RAB18: variants seen among roughly 807,000 people sequenced by gnomAD.
RAB18 encodes the protein RAB18, member RAS oncogene family.
A neutral mutation model predicts 28.5 loss-of-function variants in RAB18; 10 were observed. That is an observed-to-expected ratio of 0.35 (90% CI 0.22 to 0.60). The LOEUF is 0.60. Among genes scored for constraint, RAB18 ranks in the 20% least tolerant of loss-of-function variants. The pLI is 0.78. For synonymous variants in RAB18, 93 were observed against 86.9 expected, an observed-to-expected ratio of 1.07 and a Z score of -0.39; for missense variants, 188 against 244.2, an observed-to-expected ratio of 0.77 and a Z score of 1.53.
intron 3 of RAB18, chr10:27,531,499 A>C: frequency 6.5e-7 from 1 of 1,543,252 alleles, no homozygotes; most frequent in Non-Finnish European, 8.8e-7. Context: ...TTGAGGTTTG[A>C]TACATGTTTT....
intron 1 of RAB18, among the ~76,000 whole-genome samples, chr10:27,507,859 G>A (rs1382446360): frequency 2.0e-5 from 3 of 151,586 alleles, no homozygotes; most frequent in Non-Finnish European, 2.9e-5. Flanking sequence ...GCAACATAAC[G>A]AGACCATGCC....
At position 27,538,164 on chromosome 10, in the gene RAB18, A is replaced by G. The variant is rs1393255771; in HGVS notation, c.*113A>G. On this transcript the variant is annotated 3_prime_UTR_variant, in exon 7 of 7. Transcript: ENST00000356940. The stretch of plus-strand genomic sequence containing the variant: ...TGCAGTTTGCACATAATTGTTTTAT[A>G]TCATAGCAGTAAATATTTGCAAGAA... 1.5e-6 allele frequency: 2 copies of G among 1,365,940 alleles called. No homozygotes were observed. The highest frequency in any genetic ancestry group is 2.3e-5 in the East Asian group (1 of 43,190). 84.6% of individuals were successfully genotyped at this position (1,365,940 alleles called of 1,614,324 possible). A position where few individuals can be genotyped will look rare whatever the true frequency, so the allele number is the denominator to read the frequency against.
chr10:27,506,493 T>G (rs1169723534), intron 1 of RAB18, among the ~76,000 whole-genome samples: 1 of 152,054 alleles, frequency 6.6e-6, no homozygotes, highest in Non-Finnish European at 1.5e-5. Flanking sequence ...ACTAGTGTTT[T>G]TTTATTTTTT....
chr10:27,538,646 A>G lies in RAB18; in HGVS notation c.*595A>G. 1 of 454,000 alleles carries G rather than the reference A, an allele frequency of 2.2e-6. No homozygotes were observed. Among genetic ancestry groups the G allele is most frequent in the Non-Finnish European group, 4.4e-6 (1 of 226,614 alleles). The allele number at this position is 454,000 out of a possible 1,614,324, so 28.1% of individuals were successfully genotyped here. On this transcript the variant is annotated 3_prime_UTR_variant, in exon 7 of 7. Transcript: ENST00000356940. Reference sequence around the variant, plus strand: ...TTCTAAAACAGCATTGATAGGTTAAAGAAGCTTGGTATTTTTAATTTACTT... The same window carrying G: ...TTCTAAAACAGCATTGATAGGTTAAGGAAGCTTGGTATTTTTAATTTACTT...
At chr10:27,508,057 G>A (rs1399129082) in intron 1 of RAB18, among the ~76,000 whole-genome samples, 2 of 149,840 alleles carry the variant, frequency 1.3e-5, no homozygotes, top group African/African-American at 4.9e-5. Flanking sequence ...TAATTATTTT[G>A]AGATTGTCAG....
rs375572465 is a variant in RAB18 at position 27,509,927 on chromosome 10, A to G, written c.121A>G (p.Ile41Val). Reference sequence around the variant, plus strand: ...GTTTGATCCAGAACTTGCAGCAACAATAGGTAAGCCTGTGTTTAAAAATTC... The same window carrying G: ...GTTTGATCCAGAACTTGCAGCAACAGTAGGTAAGCCTGTGTTTAAAAATTC... ...DTFDPELAAT[I>V]GVDFKVKTIS... The change falls in exon 2 of 7, where the codon ATA (isoleucine) becomes GTA (valine). Residue 41 changes from isoleucine (I) to valine (V), a missense_variant. Coordinates refer to ENST00000356940, the MANE Select transcript of RAB18 (RefSeq NM_021252.5). 1.6e-5 allele frequency: 25 copies of G among 1,609,920 alleles called. No individual in the cohort carries two copies. The highest frequency in any genetic ancestry group is 2.0e-5 in the Non-Finnish European group (24 of 1,176,508).
intron 3 of RAB18, chr10:27,528,416 A>C (rs1170490227): frequency 2.3e-6 from 1 of 440,358 alleles, no homozygotes; most frequent in Non-Finnish European, 4.5e-6. Context: ...AAAGTATACC[A>C]CTGAATACAT....
chr10:27,517,927 AT>A (rs949380614), intron 2 of RAB18, among the ~76,000 whole-genome samples: 2 of 151,282 alleles, frequency 1.3e-5, no homozygotes, highest in Non-Finnish European at 2.9e-5. Flanking sequence ...TGAGAATGTC[AT>A]GTAAGTGGAG....
chr10:27,535,424 G>A (rs1834873956), intron 6 of RAB18, among the ~76,000 whole-genome samples: 6 of 152,164 alleles, frequency 3.9e-5, no homozygotes, highest in Admixed American at 3.9e-4. Context: ...TTCCTGAGGT[G>A]GGAATCAGGC....
At chr10:27,531,440 C>T in intron 3 of RAB18, 1 of 1,451,300 alleles carries the variant, frequency 6.9e-7, no homozygotes, top group Non-Finnish European at 9.1e-7. Context: ...GGAGCTTCTG[C>T]TTGTCCCATA....
At chr10:27,532,652 AAT>A in intron 4 of RAB18, 73 bp downstream of exon 4, 4 of 1,199,076 alleles carry the variant, frequency 3.3e-6, no homozygotes, top group Admixed American at 1.8e-5. Context: ...TGTGAAAGTT[AAT>A]ATGTCTTTGT....
chr10:27,531,841 G>T (rs1190812991), intron 3 of RAB18, among the ~76,000 whole-genome samples: 3 of 151,154 alleles, frequency 2.0e-5, no homozygotes, highest in Non-Finnish European at 4.4e-5. Context: ...TCAAGAATTG[G>T]TCTCAGCACA....
chr10:27,541,666 G>A lies in RAB18; in HGVS notation c.*3615G>A. 2.2e-6 allele frequency: 1 copy of A among 449,114 alleles called. No individual in the cohort carries two copies. Among genetic ancestry groups the A allele is most frequent in the Non-Finnish European group, 4.4e-6 (1 of 225,740 alleles). 27.8% of individuals were successfully genotyped at this position (449,114 alleles called of 1,614,324 possible). On this transcript the variant is annotated 3_prime_UTR_variant, in exon 7 of 7. Coordinates refer to ENST00000356940, the MANE Select transcript of RAB18 (RefSeq NM_021252.5). Reference sequence around the variant, plus strand: ...TTTTTTTTCCTCTTTTTTAACCGGAGAAGCAACAAATTACGTAGTTTTTTT... The same window carrying A: ...TTTTTTTTCCTCTTTTTTAACCGGAAAAGCAACAAATTACGTAGTTTTTTT...
chr10:27,523,970 T>A (rs1589576674), intron 2 of RAB18, among the ~76,000 whole-genome samples: 1 of 151,800 alleles, frequency 6.6e-6, no homozygotes, highest in Admixed American at 6.6e-5. Flanking sequence ...TCCCAGCAGC[T>A]TGGGAGGCTG....
chr10:27,531,564 A>G (rs1275922989), intron 3 of RAB18: 1 of 1,367,184 alleles, frequency 7.3e-7, no homozygotes. Context: ...ACTTTTTCTT[A>G]AAGAGCCAGA....
intron 2 of RAB18, among the ~76,000 whole-genome samples, chr10:27,521,335 A>G (rs542289959): frequency 3.5e-4 from 53 of 152,298 alleles, no homozygotes; most frequent in Admixed American, 7.8e-4. Context: ...TCAGTACACT[A>G]TTCATAATTG....
intron 3 of RAB18, chr10:27,531,734 A>C (rs1293016531): frequency 1.8e-6 from 1 of 561,504 alleles, no homozygotes; most frequent in Non-Finnish European, 3.2e-6. Flanking sequence ...TGGTAGAAAG[A>C]CAAGAGAGAG....
intron 6 of RAB18, among the ~76,000 whole-genome samples, chr10:27,535,882 C>T (rs772302870): frequency 3.9e-5 from 6 of 152,096 alleles, no homozygotes; most frequent in Admixed American, 6.6e-5. Flanking sequence ...GTCAGGAGAT[C>T]GAGACCATGG....
At chr10:27,523,276 T>A (rs1834601449) in intron 2 of RAB18, among the ~76,000 whole-genome samples, 1 of 148,120 alleles carries the variant, frequency 6.8e-6, no homozygotes, top group African/African-American at 2.5e-5. Context: ...TTTTTTTTTT[T>A]TTTTTTTTTT....
Sources: allele counts gnomAD v4.1 joint callset (sites outside exome capture counted in the v4.1 genomes callset), GRCh38; gene constraint gnomAD v4.1.1; transcripts MANE v1.5; gene names NCBI Gene and HGNC (gene_info 2026-07-23, HGNC 2026-07-21).